DDX52: variants seen among roughly 807,000 people sequenced by gnomAD.
The protein encoded by DDX52 is DExD-box helicase 52, also known as probable ATP-dependent RNA helicase DDX52.
A neutral mutation model predicts 76.1 loss-of-function variants in DDX52; 59 were observed. The observed-to-expected ratio is 0.78, with a 90% CI of 0.63 to 0.96. DDX52 has a LOEUF of 0.96. Among genes scored for constraint, DDX52 ranks in the 40% least tolerant of loss-of-function variants. DDX52 has a pLI of 0.00. For missense variants in DDX52, 707 were observed against 703.9 expected, an observed-to-expected ratio of 1.00 and a Z score of -0.05; for synonymous variants, 231 against 244.1, an observed-to-expected ratio of 0.95 and a Z score of 0.50.
chr17:37,616,633 C>T (rs8064332), intron 14 of DDX52, among the ~76,000 whole-genome samples: 6,941 of 148,900 alleles, frequency 0.047, 557 homozygotes, highest in African/African-American at 0.16. Flanking sequence ...CCAGCCTGGG[C>T]GACAGGGTGG....
chr17:37,639,541 T>C (rs1273475677), intron 2 of DDX52: 4 of 615,044 alleles, frequency 6.5e-6, no homozygotes, highest in Non-Finnish European at 8.2e-6. Flanking sequence ...ATCGAGACCA[T>C]ACTGGCTAAC....
chr17:37,626,979 C>A, intron 6 of DDX52, 119 bp from the exon 7 acceptor site: 1 of 723,766 alleles, frequency 1.4e-6, no homozygotes. Flanking sequence ...TAGCCAACAA[C>A]ACAAAACTAT....
intron 9 of DDX52, among the ~76,000 whole-genome samples, chr17:37,622,752 T>G (rs1435387796): frequency 5.9e-5 from 9 of 152,214 alleles, no homozygotes; most frequent in Non-Finnish European, 1.2e-4. Context: ...GCTGAAAACC[T>G]CTGGTGTATA....
At chr17:37,636,479 A>C (rs1163255444) in intron 2 of DDX52, among the ~76,000 whole-genome samples, 1 of 152,218 alleles carries the variant, frequency 6.6e-6, no homozygotes, top group East Asian at 1.9e-4. Flanking sequence ...TATTATGAAG[A>C]AACTATGCAA....
intron 2 of DDX52, among the ~76,000 whole-genome samples, chr17:37,637,200 C>T (rs145761417): frequency 0.012 from 1,805 of 151,406 alleles, 27 homozygotes; most frequent in African/African-American, 0.04. Context: ...ATCTCGGCTT[C>T]GGCTCACTGC....
chr17:37,637,072 C>T (rs1381903550), intron 2 of DDX52, among the ~76,000 whole-genome samples: 2 of 152,192 alleles, frequency 1.3e-5, no homozygotes, highest in African/African-American at 4.8e-5. Flanking sequence ...TAAAGCAATC[C>T]TCCTGTCTCA....
At chr17:37,618,073 C>T (rs1268597913) in intron 14 of DDX52, among the ~76,000 whole-genome samples, 1 of 152,162 alleles carries the variant, frequency 6.6e-6, no homozygotes, top group African/African-American at 2.4e-5. Context: ...TGAGATCACG[C>T]CACTGCACTC....
intron 8 of DDX52, 27 bp downstream of exon 8, chr17:37,625,867 GT>G: frequency 6.2e-7 from 1 of 1,612,042 alleles, no homozygotes; most frequent in South Asian, 1.1e-5. Flanking sequence ...AAAAATCAGT[GT>G]GATAATGTTG....
At chr17:37,629,895 T>C (rs958844844) in intron 5 of DDX52, 135 bp downstream of exon 5, 6 of 1,138,418 alleles carry the variant, frequency 5.3e-6, no homozygotes, top group Non-Finnish European at 7.2e-6. Context: ...TCCGGAGCAC[T>C]GTGCTGTGTA....
intron 4 of DDX52, chr17:37,631,116 T>C (rs7220609): frequency 0.29 from 44,431 of 152,102 alleles, 7,272 homozygotes; most frequent in South Asian, 0.47. Context: ...AGGTATCTTA[T>C]ATCCTTTGGA....
At chr17:37,616,662 CAA>C (rs1188716926) in intron 14 of DDX52, among the ~76,000 whole-genome samples, 4 of 122,384 alleles carry the variant, frequency 3.3e-5, no homozygotes, top group Non-Finnish European at 3.5e-5. Flanking sequence ...GACTCCATCT[CAA>C]AAAAAAAAAA....
chr17:37,633,229 C>G, intron 3 of DDX52, 59 bp downstream of exon 3: 4 of 1,487,644 alleles, frequency 2.7e-6, no homozygotes, highest in Non-Finnish European at 3.6e-6. Flanking sequence ...CCAAATCCAG[C>G]GAATAAGTCA....
rs957553608 is a variant in DDX52 at position 37,613,010 on chromosome 17, C to T, written c.*1286G>A. The stretch of plus-strand genomic sequence containing the variant: ...TCTTTAAATAAATTCCGAAGATGAA[C>T]AATTTTTGTCCCATCTAAAATATTC... On this transcript the variant is annotated 3_prime_UTR_variant, in exon 15 of 15. Coordinates refer to ENST00000617633, the MANE Select transcript of DDX52 (RefSeq NM_007010.5). The T allele has an allele frequency of 9.9e-5, 15 of 152,142 alleles. No individual in the cohort carries two copies. Among genetic ancestry groups the T allele is most frequent in the African/African-American group, 3.6e-4 (15 of 41,424 alleles). The allele number at this position is 152,142 out of a possible 1,614,324, so 9.4% of individuals were successfully genotyped here.
rs930970324 is a variant in DDX52, at chr17:37,610,114, A to G, written c.*4182T>C. 1.4e-5 allele frequency: 2 copies of G among 146,156 alleles called. No individual in the cohort carries two copies. The highest frequency in any genetic ancestry group is 3.0e-5 in the Non-Finnish European group (2 of 67,314). The allele number at this position is 146,156 out of a possible 1,614,324, so 9.1% of individuals were successfully genotyped here. A position where few individuals can be genotyped will look rare whatever the true frequency, so the allele number is the denominator to read the frequency against. On this transcript the variant is annotated 3_prime_UTR_variant, in exon 15 of 15. Coordinates refer to ENST00000617633, the MANE Select transcript of DDX52 (RefSeq NM_007010.5). The stretch of plus-strand genomic sequence containing the variant: ...ATAATTACTCTGAAGCTATTTCGGC[A>G]TATTTTTTACTGATTTTTTTTTTTT...
At chr17:37,643,247 G>C in intron 1 of DDX52, 87 bp downstream of exon 1, 2 of 1,427,114 alleles carry the variant, frequency 1.4e-6, no homozygotes, top group South Asian at 2.5e-5. Context: ...GGGTGTCCAA[G>C]TGCGCCGGCC....
intron 14 of DDX52, among the ~76,000 whole-genome samples, chr17:37,615,505 C>CTA (rs1434642729): frequency 1.3e-5 from 2 of 151,954 alleles, no homozygotes; most frequent in African/African-American, 4.8e-5. Context: ...TGGCAAAACC[C>CTA]CATCTCTACT....
At chr17:37,638,853 T>C (rs1472164289) in intron 2 of DDX52, among the ~76,000 whole-genome samples, 2 of 146,674 alleles carry the variant, frequency 1.4e-5, no homozygotes, top group Non-Finnish European at 3.0e-5. Context: ...CACTGCAACC[T>C]CCACCTCCTG....
chr17:37,614,423 C>T, intron 14 of DDX52, 70 bp from the exon 15 acceptor site: 1 of 1,453,146 alleles, frequency 6.9e-7, no homozygotes, highest in Non-Finnish European at 9.4e-7. Context: ...AACCCTACCA[C>T]CAGTTTAATA....
chr17:37,627,354 C>T (rs533375101), intron 6 of DDX52, among the ~76,000 whole-genome samples: 2 of 152,150 alleles, frequency 1.3e-5, no homozygotes, highest in East Asian at 1.9e-4. Context: ...GGACTACAGG[C>T]GCCCGCCACC....
Sources: gnomAD v4.1 joint callset for allele counts (sites outside exome capture counted in the v4.1 genomes callset) on GRCh38, gnomAD v4.1.1 for gene constraint, MANE v1.5 for transcripts, NCBI Gene and HGNC (gene_info 2026-07-23, HGNC 2026-07-21) for gene names.